Variants in HAAO observed in about 807,000 individuals in gnomAD.
HAAO encodes 3-hydroxyanthranilate oxygenase.
HAAO carries 49 observed loss-of-function variants against 46.2 expected under a neutral mutation model. The observed-to-expected ratio is 1.06, with a 90% CI of 0.84 to 1.34. The LOEUF (loss-of-function observed/expected upper bound fraction) is 1.34. Ranked by LOEUF, HAAO falls within the 40% of genes most tolerant of loss-of-function variation. HAAO has a pLI of 0.00. For synonymous variants in HAAO, 157 were observed against 145.2 expected, an observed-to-expected ratio of 1.08 and a Z score of -0.58; for missense variants, 408 against 364.5, an observed-to-expected ratio of 1.12 and a Z score of -0.97.
At chr2:42,776,132 T>C (rs879482652) in intron 4 of HAAO, among the ~76,000 whole-genome samples, 1 of 151,790 alleles carries the variant, frequency 6.6e-6, no homozygotes, top group Admixed American at 6.6e-5. Context: ...AGCTCAGAGA[T>C]CTAGTTAAAA....
At chr2:42,788,280 G>A (rs528738183) in intron 2 of HAAO, among the ~76,000 whole-genome samples, 38 of 152,234 alleles carry the variant, frequency 2.5e-4, no homozygotes, top group African/African-American at 8.2e-4. Context: ...CCTCTCACCC[G>A]CAGGGCATGG....
chr2:42,785,971 T>G (rs918061188), intron 2 of HAAO, among the ~76,000 whole-genome samples: 6 of 151,654 alleles, frequency 4.0e-5, no homozygotes, highest in African/African-American at 1.5e-4. Context: ...CATTTCAGTA[T>G]GCTCTCCTCC....
At position 42,767,672 on chromosome 2, in the gene HAAO, G is replaced by A; in HGVS notation, c.705C>T (p.Gly235=). The A allele has an allele frequency of 6.4e-7, 1 of 1,568,446 alleles. No homozygotes were observed. The highest frequency in any genetic ancestry group is 8.7e-7 in the Non-Finnish European group (1 of 1,155,646). The change falls in exon 9 of 10, where the codon GGC becomes GGT. Residue 235 remains glycine, a synonymous_variant. Transcript: ENST00000294973. Reference sequence around the variant, plus strand: ...GTCCCCCCATTGTCACCACCGAGGAGCCCTCCTGGAGAAGAGGAGCAGGAG... The same window carrying A: ...GTCCCCCCATTGTCACCACCGAGGAACCCTCCTGGAGAAGAGGAGCAGGAG... ...NVDVWLWQLE[G]SSVVTMGGRR...
At chr2:42,791,476 G>C (rs187302129) in intron 1 of HAAO, among the ~76,000 whole-genome samples, 2 of 151,508 alleles carry the variant, frequency 1.3e-5, no homozygotes, top group Admixed American at 1.3e-4. Context: ...GGGAGATATT[G>C]ACTGTTGGCC....
Position 42,783,361 on chromosome 2 carries a change from C to A in HAAO, c.303G>T (p.Gly101=), listed in dbSNP as rs1490414520. ...HSPQRFANTV[G]LVVERRRLET... ...CCAGCCGCCTTCGCTCAACCACCAG[C>A]CCCACGGTGTTGGCAAACCTCTGTG... is the stretch of plus-strand genomic sequence containing the variant. Residue 101 remains glycine, a synonymous_variant, in exon 4 of 10, where the codon GGG becomes GGT. Transcript: ENST00000294973. 1.2e-6 allele frequency: 2 copies of A among 1,613,382 alleles called. No individual in the cohort carries two copies. Among genetic ancestry groups the A allele is most frequent in the Non-Finnish European group, 1.7e-6 (2 of 1,179,706 alleles).
At chr2:42,770,664 G>T in intron 4 of HAAO, 82 bp from the exon 5 acceptor site, 2 of 822,296 alleles carry the variant, frequency 2.4e-6, no homozygotes, top group Non-Finnish European at 3.9e-6. Flanking sequence ...GGCTCTGCTT[G>T]TAGAAGTCCC....
chr2:42,770,136 G>A lies in HAAO; in HGVS notation c.484+7C>T, dbSNP rs1431604833. 1.2e-6 allele frequency: 2 copies of A among 1,603,418 alleles called. No homozygotes were observed. Among genetic ancestry groups the A allele is most frequent in the Non-Finnish European group, 8.5e-7 (1 of 1,173,810 alleles). ...GGAAGGAGAAGGGCAGTTCCCAGCG[G>A]CCTCACCAGGGATGGGCTTTCCTGT... On this transcript the variant is annotated splice_region_variant and intron_variant, in intron 6 of 9. Transcript: ENST00000294973.
chr2:42,778,774 T>A (rs544247387), intron 4 of HAAO, among the ~76,000 whole-genome samples: 3 of 152,258 alleles, frequency 2.0e-5, no homozygotes, highest in African/African-American at 7.2e-5. Flanking sequence ...ATGTAAGAGA[T>A]GGGCATGGGA....
chr2:42,767,709 G>C (rs779004118), intron 8 of HAAO, 32 bp from the exon 9 acceptor site: 2 of 1,557,186 alleles, frequency 1.3e-6, no homozygotes, highest in Admixed American at 3.6e-5. Context: ...ATCAAATGGA[G>C]ACTGTTGGGC....
chr2:42,782,211 AC>A (rs1394429135), intron 4 of HAAO, among the ~76,000 whole-genome samples: 2 of 152,154 alleles, frequency 1.3e-5, no homozygotes, highest in African/African-American at 4.8e-5. Context: ...AGCCCTGAAA[AC>A]TGAAGCCTGA....
In HAAO at chr2:42,779,612, G is replaced by A. The variant is rs113592176; in HGVS notation, c.350+3702C>T. Among the ~76,000 whole-genome samples the A allele has an allele frequency of 9.7e-3, 1,484 of 152,218 alleles. 27 individuals are homozygous for A. The highest frequency in any genetic ancestry group is 0.034 in the African/African-American group (1,405 of 41,538). ...TGGGATTTCAGGCGTGAGCCACCGC[G>A]CCCAGCTTCATGCTATTTTTATTAG... On this transcript the variant is annotated intron_variant, in intron 4 of 9. Transcript: ENST00000294973.
At chr2:42,772,182 T>C (rs1671177940) in intron 4 of HAAO, among the ~76,000 whole-genome samples, 2 of 152,142 alleles carry the variant, frequency 1.3e-5, no homozygotes, top group South Asian at 4.2e-4. Flanking sequence ...AAAGATTTAA[T>C]AGTGTAAGAA....
intron 4 of HAAO, among the ~76,000 whole-genome samples, chr2:42,772,928 C>G (rs1573909360): frequency 8.2e-6 from 1 of 122,098 alleles, no homozygotes; most frequent in African/African-American, 3.2e-5. Flanking sequence ...AGTGAGCCCC[C>G]ATATCAAAAA....
At chr2:42,790,214 G>A (rs1672685579) in intron 1 of HAAO, among the ~76,000 whole-genome samples, 1 of 152,204 alleles carries the variant, frequency 6.6e-6, no homozygotes, top group Non-Finnish European at 1.5e-5. Context: ...CCTTTTGGGA[G>A]GCTGGGCCCA....
chr2:42,792,282 A>G (rs1008335668), intron 1 of HAAO, among the ~76,000 whole-genome samples, 175 bp downstream of exon 1: 5 of 152,120 alleles, frequency 3.3e-5, no homozygotes, highest in Non-Finnish European at 5.9e-5. Flanking sequence ...AGAGGAACAG[A>G]CCGATGTGGT....
chr2:42,771,787 C>G (rs1318148767), intron 4 of HAAO, among the ~76,000 whole-genome samples: 2 of 152,268 alleles, frequency 1.3e-5, no homozygotes, highest in Non-Finnish European at 2.9e-5. Flanking sequence ...CCAGCTCTGT[C>G]TGCTCTTAAA....
intron 4 of HAAO, 46 bp downstream of exon 4, chr2:42,783,268 C>A: frequency 8.7e-7 from 1 of 1,146,370 alleles, no homozygotes. Flanking sequence ...CTGTGCTCCT[C>A]TGCTGTTTGC....
chr2:42,776,103 C>T (rs1001977193), intron 4 of HAAO, among the ~76,000 whole-genome samples: 16 of 151,776 alleles, frequency 1.1e-4, no homozygotes, highest in African/African-American at 3.4e-4. Flanking sequence ...ACCCAGGATT[C>T]GGTGTGGACT....
chr2:42,781,074 C>T lies in HAAO; in HGVS notation c.350+2240G>A, dbSNP rs544161397. Among the ~76,000 whole-genome samples the T allele has an allele frequency of 2.2e-3, 333 of 151,782 alleles. 1 individual carries two copies. The highest frequency in any genetic ancestry group is 3.9e-3 in the Non-Finnish European group (268 of 67,896). On this transcript the variant is annotated intron_variant, in intron 4 of 9. Transcript: ENST00000294973. ...CCTGGGCGACAGAGCAAGACTCTGTCTCAAAAAAAAACACAACAATTTAGT... is the reference window on the plus strand; with the variant it reads ...CCTGGGCGACAGAGCAAGACTCTGTTTCAAAAAAAAACACAACAATTTAGT...
Sources: gnomAD v4.1 joint callset for allele counts (sites outside exome capture counted in the v4.1 genomes callset) on GRCh38, gnomAD v4.1.1 for gene constraint, MANE v1.5 for transcripts, NCBI Gene and HGNC (gene_info 2026-07-23, HGNC 2026-07-21) for gene names.